The following DLG2 variants were observed in gnomAD, a reference collection of about 807,000 sequenced individuals.
The protein encoded by DLG2 is discs large MAGUK scaffold protein 2, also known as disks large homolog 2.
A neutral mutation model predicts 132.5 loss-of-function variants in DLG2; 45 were observed. That is an observed-to-expected ratio of 0.34 (90% CI 0.27 to 0.44). The LOEUF is 0.44. Among genes scored for constraint, DLG2 ranks in the 20% least tolerant of loss-of-function variants. The pLI is 1.00. For missense variants in DLG2, 1,045 were observed against 1,196.9 expected, an observed-to-expected ratio of 0.87 and a Z score of 1.87; for synonymous variants, 424 against 419.6, an observed-to-expected ratio of 1.01 and a Z score of -0.13.
At chr11:84,433,502 A>T (rs185043989) in intron 7 of DLG2, among the ~76,000 whole-genome samples, 54 of 152,346 alleles carry the variant, frequency 3.5e-4, no homozygotes, top group Admixed American at 2.4e-3. Flanking sequence ...TAATTATTTG[A>T]ATGGAGGTAT....
chr11:84,800,687 A>G (rs927531427), intron 6 of DLG2: 12 of 152,182 alleles, frequency 7.9e-5, no homozygotes, highest in African/African-American at 2.4e-4. Context: ...GTAAATAAAA[A>G]GACTTTGGAC....
chr11:84,508,413 T>G (rs1326682202), intron 7 of DLG2, among the ~76,000 whole-genome samples: 1 of 151,480 alleles, frequency 6.6e-6, no homozygotes, highest in Non-Finnish European at 1.5e-5. Context: ...TTTTTTTTTT[T>G]TTCTCTTTTT....
At chr11:84,760,562 G>A (rs566174328) in intron 6 of DLG2, among the ~76,000 whole-genome samples, 21 of 152,342 alleles carry the variant, frequency 1.4e-4, no homozygotes, top group South Asian at 4.1e-4. Flanking sequence ...CTTCTGCAGC[G>A]TTCTCCATAG....
At chr11:85,476,362 T>A (rs1264334692) in intron 3 of DLG2, among the ~76,000 whole-genome samples, 1 of 145,692 alleles carries the variant, frequency 6.9e-6, no homozygotes, top group Non-Finnish European at 1.5e-5. Flanking sequence ...TGTGAAGGCC[T>A]AAGACATTAC....
chr11:85,596,159 G>A (rs2153233288), intron 3 of DLG2, among the ~76,000 whole-genome samples: 1 of 152,284 alleles, frequency 6.6e-6, no homozygotes, highest in South Asian at 2.1e-4. Flanking sequence ...GGAGGCTGAG[G>A]TGGGTGGATC....
chr11:85,204,388 C>A (rs543409076), intron 4 of DLG2, among the ~76,000 whole-genome samples: 22 of 152,162 alleles, frequency 1.4e-4, no homozygotes, highest in Middle Eastern at 3.4e-3. Context: ...TATATGTTAA[C>A]TGCAATCAAT....
intron 7 of DLG2, among the ~76,000 whole-genome samples, chr11:84,319,419 C>A (rs1481699538): frequency 6.6e-6 from 1 of 152,150 alleles, no homozygotes; most frequent in African/African-American, 2.4e-5. Context: ...CTTATCTAAC[C>A]ATAGATGCTT....
At chr11:83,956,357 T>C (rs545414299) in intron 14 of DLG2, among the ~76,000 whole-genome samples, 2 of 152,256 alleles carry the variant, frequency 1.3e-5, no homozygotes, top group South Asian at 4.1e-4. Context: ...GCTGCTAACA[T>C]ACTGCTGTCT....
Position 83,988,858 on chromosome 11 carries a change from T to C in DLG2, c.920-8216A>G, listed in dbSNP as rs1294296135. Among the ~76,000 whole-genome samples, 40 of 152,162 alleles carry C rather than the reference T, an allele frequency of 2.6e-4. 2 individuals carry two copies. Among genetic ancestry groups the C allele is most frequent in the Admixed American group, 2.6e-3 (39 of 15,240 alleles). On this transcript the variant is annotated intron_variant, in intron 11 of 27. Transcript: ENST00000376104. ...ATCCTGCTCTAGTTTTCATTTTCTC[T>C]TAGCACTTATTACCTTGTAATACAC...
At chr11:84,846,189 C>T (rs2081452766) in intron 6 of DLG2, among the ~76,000 whole-genome samples, 1 of 152,014 alleles carries the variant, frequency 6.6e-6, no homozygotes, top group African/African-American at 2.4e-5. Flanking sequence ...TATCCCTGAC[C>T]TCCTTTTCTG....
chr11:83,639,747 T>TA (rs1368403006), intron 18 of DLG2, among the ~76,000 whole-genome samples: 3 of 149,518 alleles, frequency 2.0e-5, no homozygotes, highest in Non-Finnish European at 3.0e-5. Context: ...CCCTAAAACT[T>TA]AAAGTATAAT....
At chr11:84,373,370 G>C (rs1041945200) in intron 7 of DLG2, among the ~76,000 whole-genome samples, 2 of 150,920 alleles carry the variant, frequency 1.3e-5, no homozygotes, top group Non-Finnish European at 2.9e-5. Flanking sequence ...AGGAGTTCGA[G>C]ACCAGCCTGG....
At chr11:85,482,472 G>A (rs1246835881) in intron 3 of DLG2, among the ~76,000 whole-genome samples, 2 of 152,150 alleles carry the variant, frequency 1.3e-5, no homozygotes, top group African/African-American at 4.8e-5. Flanking sequence ...AGAAGAACCA[G>A]TCCCCACGAA....
At chr11:83,824,165 G>A (rs1345086292) in intron 17 of DLG2, among the ~76,000 whole-genome samples, 3 of 152,068 alleles carry the variant, frequency 2.0e-5, no homozygotes, top group Admixed American at 6.6e-5. Flanking sequence ...ATTCAATAAA[G>A]GTTAGGCATT....
At chr11:85,484,900 C>G (rs1233113069) in intron 3 of DLG2, among the ~76,000 whole-genome samples, 1 of 152,040 alleles carries the variant, frequency 6.6e-6, no homozygotes, top group Non-Finnish European at 1.5e-5. Flanking sequence ...GACACATGCA[C>G]ACATATGTTT....
At chr11:83,789,338 G>A (rs2040868120) in intron 17 of DLG2, among the ~76,000 whole-genome samples, 1 of 113,576 alleles carries the variant, frequency 8.8e-6, no homozygotes, top group African/African-American at 3.4e-5. Context: ...TCTGTTTAAT[G>A]CATAAAAATC....
At chr11:85,566,721 G>A (rs1219692221) in intron 3 of DLG2, among the ~76,000 whole-genome samples, 2 of 152,134 alleles carry the variant, frequency 1.3e-5, no homozygotes, top group Non-Finnish European at 2.9e-5. Context: ...ATTTTAAAAT[G>A]TGAATTTTGT....
rs574029680 is a variant in DLG2, at chr11:84,404,658, A to G, written c.519+129912T>C. On this transcript the variant is annotated intron_variant, in intron 7 of 27. Transcript: ENST00000376104. ...AAGTTTTGTGTTTGTCTTATTTCCT[A>G]TCTTTCTCACCATGCTGTAAACTCC... Among the ~76,000 whole-genome samples, 102 of 152,202 alleles carry G rather than the reference A, an allele frequency of 6.7e-4. 2 individuals are homozygous for G. Among genetic ancestry groups the G allele is most frequent in the African/African-American group, 2.2e-3 (93 of 41,534 alleles).
intron 10 of DLG2, among the ~76,000 whole-genome samples, chr11:84,086,087 T>C (rs2096974875): frequency 6.6e-6 from 1 of 152,192 alleles, no homozygotes; most frequent in African/African-American, 2.4e-5. Context: ...TAAAGATTAC[T>C]TACACCATAC....
Sources: gnomAD v4.1 joint callset for allele counts (sites outside exome capture counted in the v4.1 genomes callset) on GRCh38, gnomAD v4.1.1 for gene constraint, MANE v1.5 for transcripts, NCBI Gene and HGNC (gene_info 2026-07-23, HGNC 2026-07-21) for gene names.